MROH2B: variants seen among roughly 807,000 people sequenced by gnomAD.
The protein encoded by MROH2B is maestro heat-like repeat-containing protein family member 2B.
MROH2B carries 177 observed loss-of-function variants against 208.6 expected under a neutral mutation model. The observed-to-expected ratio is 0.85, with a 90% CI of 0.75 to 0.96. MROH2B has a LOEUF of 0.96. Among genes scored for constraint, MROH2B ranks in the 40% least tolerant of loss-of-function variants. The probability of loss-of-function intolerance (pLI) is 0.00; values close to 1 mark genes in which losing one functional copy is unlikely to be tolerated. For synonymous variants in MROH2B, 728 were observed against 659.0 expected (o/e 1.10, Z -1.60); for missense variants, 2,002 against 1,878.7 (o/e 1.07, Z -1.21).
intron 28 of MROH2B, among the ~76,000 whole-genome samples, 178 bp from the exon 29 acceptor site, chr5:41,015,656 C>A (rs892820523): frequency 1.7e-4 from 26 of 152,188 alleles, no homozygotes; most frequent in African/African-American, 6.3e-4. Context: ...ACTCTGCATA[C>A]AATAATCTCA....
At chr5:41,059,670 T>C (rs1312342302) in intron 6 of MROH2B, among the ~76,000 whole-genome samples, 2 of 152,194 alleles carry the variant, frequency 1.3e-5, no homozygotes, top group Admixed American at 1.3e-4. Context: ...ACTACATCTT[T>C]GCTTCTTGAA....
intron 37 of MROH2B, among the ~76,000 whole-genome samples, chr5:41,004,143 C>T (rs1741490711): frequency 6.6e-6 from 1 of 152,166 alleles, no homozygotes; most frequent in African/African-American, 2.4e-5. Context: ...TTAGATCAAT[C>T]ATGACTGCCA....
At chr5:41,051,166 CT>C in intron 12 of MROH2B, 76 bp from the exon 13 acceptor site, 2 of 890,574 alleles carry the variant, frequency 2.2e-6, no homozygotes, top group Non-Finnish European at 1.6e-6. Flanking sequence ...TGGGTGTGTT[CT>C]TAGACTCTGG....
At chr5:41,047,663 T>A in intron 17 of MROH2B, 58 bp downstream of exon 17, 2 of 1,455,990 alleles carry the variant, frequency 1.4e-6, no homozygotes, top group Non-Finnish European at 1.9e-6. Context: ...TTAGGATGGG[T>A]AACTTCAGCT....
In MROH2B at chr5:41,038,765, C is replaced by A; in HGVS notation, c.2185G>T (p.Val729Phe). Residue 729 changes from valine (V) to phenylalanine (F), a missense_variant, in exon 21 of 42, where the codon GTC (valine) becomes TTC (phenylalanine). Val to Phe is a conservative substitution (Grantham distance 50, BLOSUM62 -1). Coordinates refer to ENST00000399564, the MANE Select transcript of MROH2B (RefSeq NM_173489.5). ...SRLNQDIISQVLSLHGQCSQV... is the reference protein window; with the variant it reads ...SRLNQDIISQFLSLHGQCSQV... The stretch of plus-strand genomic sequence containing the variant: ...GAGCACTGGCCATGAAGAGACAGGA[C>A]TTGGGATATGATATCTTGATTAAGT... 6.2e-7 allele frequency: 1 copy of A among 1,613,192 alleles called. No homozygotes were observed. The highest frequency in any genetic ancestry group is 8.5e-7 in the Non-Finnish European group (1 of 1,179,530).
intron 40 of MROH2B, 27 bp downstream of exon 40, chr5:40,999,650 G>T (rs758007201): frequency 6.3e-7 from 1 of 1,579,132 alleles, no homozygotes; most frequent in Admixed American, 1.7e-5. Context: ...AGACATATCT[G>T]GGTAGGAAAT....
At chr5:41,027,348 AT>A (rs1350755914) in intron 24 of MROH2B, among the ~76,000 whole-genome samples, 1 of 152,244 alleles carries the variant, frequency 6.6e-6, no homozygotes, top group Non-Finnish European at 1.5e-5. Flanking sequence ...ACAAGGAAAA[AT>A]CAAACAACCC....
intron 30 of MROH2B, among the ~76,000 whole-genome samples, chr5:41,010,971 G>A (rs961777468): frequency 6.6e-6 from 1 of 152,174 alleles, no homozygotes; most frequent in African/African-American, 2.4e-5. Flanking sequence ...ATGGGCATAA[G>A]AAAATGCTGA....
intron 5 of MROH2B, among the ~76,000 whole-genome samples, chr5:41,063,671 T>C (rs1743708558): frequency 6.6e-6 from 1 of 152,180 alleles, no homozygotes; most frequent in South Asian, 2.1e-4. Context: ...TGTTAGGTTA[T>C]GTTGGAAGTG....
intron 29 of MROH2B, among the ~76,000 whole-genome samples, chr5:41,014,735 C>T (rs1233185926): frequency 2.0e-5 from 3 of 152,170 alleles, no homozygotes; most frequent in East Asian, 1.9e-4. Flanking sequence ...GCCTGGAATT[C>T]TTTTTTCCAG....
chr5:41,025,159 G>A (rs112189014), intron 24 of MROH2B, among the ~76,000 whole-genome samples: 6,503 of 152,086 alleles, frequency 0.043, 137 homozygotes, highest in African/African-American at 0.06. Context: ...TCAAAAGCTC[G>A]CAGAAGGCAA....
Position 41,052,567 on chromosome 5 carries a change from G to A in MROH2B, c.1128C>T (p.Leu376=). The A allele has an allele frequency of 1.2e-6, 2 of 1,610,408 alleles. No individual in the cohort carries two copies. Among genetic ancestry groups the A allele is most frequent in the Non-Finnish European group, 1.7e-6 (2 of 1,177,896 alleles). ...LSTKVRNSVL[L]LIQTMCEKSY... ...ACTTTTCACACATGGTTTGGATGAG[G>A]AGAAGAACAGAATTTCTTACCTAGG... Residue 376 remains leucine (L), a synonymous_variant, in exon 12 of 42, where the codon CTC becomes CTT. Transcript: ENST00000399564.
intron 7 of MROH2B, among the ~76,000 whole-genome samples, chr5:41,057,692 G>T (rs973644346): frequency 7.3e-5 from 11 of 150,150 alleles, no homozygotes; most frequent in African/African-American, 2.0e-4. Flanking sequence ...GAGTAGCTGG[G>T]GCTATGGGCA....
intron 35 of MROH2B, chr5:41,005,139 G>A: frequency 1.7e-6 from 1 of 576,986 alleles, no homozygotes; most frequent in South Asian, 2.6e-5. Context: ...CCGGTTACCT[G>A]CATAACAGAT....
At chr5:41,049,071 T>C in intron 15 of MROH2B, 30 bp downstream of exon 15, 3 of 1,573,866 alleles carry the variant, frequency 1.9e-6, no homozygotes, top group Non-Finnish European at 2.6e-6. Context: ...CTTAAATTTG[T>C]TCTACTTTGG....
intron 28 of MROH2B, among the ~76,000 whole-genome samples, chr5:41,016,507 T>TTG (rs932034952): frequency 6.6e-5 from 9 of 137,114 alleles, no homozygotes; most frequent in Non-Finnish European, 9.5e-5. Flanking sequence ...TGTTTTTTTT[T>TTG]TTTTTTTTTT....
At chr5:41,000,941 G>C in intron 37 of MROH2B, 108 bp from the exon 38 acceptor site, 2 of 1,257,756 alleles carry the variant, frequency 1.6e-6, no homozygotes, top group Non-Finnish European at 2.2e-6. Context: ...AAGAAGGCTG[G>C]AACCCAGGCA....
chr5:41,020,271 A>G (rs1742100466), intron 24 of MROH2B, among the ~76,000 whole-genome samples: 1 of 152,196 alleles, frequency 6.6e-6, no homozygotes, highest in Non-Finnish European at 1.5e-5. Flanking sequence ...CTCTTTTAAA[A>G]GTGGTTACCA....
At chr5:41,062,134 A>G (rs1384619709) in intron 5 of MROH2B, among the ~76,000 whole-genome samples, 1 of 151,952 alleles carries the variant, frequency 6.6e-6, no homozygotes, top group Non-Finnish European at 1.5e-5. Context: ...AGATATGAGC[A>G]CTAAAAGTTT....
Sources: allele counts gnomAD v4.1 joint callset (sites outside exome capture counted in the v4.1 genomes callset), GRCh38; gene constraint gnomAD v4.1.1; transcripts MANE v1.5; gene names NCBI Gene and HGNC (gene_info 2026-07-23, HGNC 2026-07-21).